The following PCDH9 variants were observed in gnomAD, a reference collection of about 807,000 sequenced individuals.
PCDH9 encodes protocadherin 9, also known as protocadherin-9.
A neutral mutation model predicts 70.6 loss-of-function variants in PCDH9; 24 were observed. That is an observed-to-expected ratio of 0.34 (90% CI 0.25 to 0.48). PCDH9 has a LOEUF of 0.48. Ranked by LOEUF, PCDH9 falls within the 20% of genes least tolerant of loss-of-function variation. The pLI is 0.99. For synonymous variants in PCDH9, 562 were observed against 558.5 expected (o/e 1.01, Z -0.09); for missense variants, 1,281 against 1,503.6 (o/e 0.85, Z 2.45).
At chr13:66,871,113 T>C (rs2081671004) in intron 3 of PCDH9, among the ~76,000 whole-genome samples, 1 of 151,820 alleles carries the variant, frequency 6.6e-6, no homozygotes, top group Non-Finnish European at 1.5e-5. Flanking sequence ...TTGGAAATCA[T>C]CATTCTCAGT....
At chr13:67,085,669 G>T (rs1046455174) in intron 2 of PCDH9, among the ~76,000 whole-genome samples, 6 of 152,160 alleles carry the variant, frequency 3.9e-5, no homozygotes, top group African/African-American at 7.2e-5. Flanking sequence ...TGGTCAAACA[G>T]AAAATAGCTT....
At chr13:66,773,831 T>G (rs897722068) in intron 3 of PCDH9, among the ~76,000 whole-genome samples, 1 of 151,042 alleles carries the variant, frequency 6.6e-6, no homozygotes. Flanking sequence ...CAGGCTGGAG[T>G]GCAGTGGGTG....
chr13:66,640,622 T>G (rs2077696561), intron 3 of PCDH9, among the ~76,000 whole-genome samples: 1 of 152,066 alleles, frequency 6.6e-6, no homozygotes, highest in African/African-American at 2.4e-5. Context: ...TGTAATTACC[T>G]AGTAAGAATG....
At chr13:66,847,383 A>G (rs1160562608) in intron 3 of PCDH9, among the ~76,000 whole-genome samples, 2 of 152,300 alleles carry the variant, frequency 1.3e-5, no homozygotes, top group East Asian at 3.9e-4. Flanking sequence ...ATGTGTTCTA[A>G]GATCCCTAGT....
intron 3 of PCDH9, among the ~76,000 whole-genome samples, chr13:66,670,912 TAAAA>T (rs35287889): frequency 7.5e-5 from 9 of 120,210 alleles, no homozygotes; most frequent in South Asian, 5.8e-4. Flanking sequence ...TGTTCTTATT[TAAAA>T]AAAAAAAAAA....
chr13:66,648,860 G>C (rs928198427), intron 3 of PCDH9, among the ~76,000 whole-genome samples: 1 of 151,944 alleles, frequency 6.6e-6, no homozygotes, highest in African/African-American at 2.4e-5. Flanking sequence ...AATCCTACCA[G>C]ATATATTTAA....
rs552628117 is a variant in PCDH9 at position 66,866,754 on chromosome 13, G to A, written c.3138+36750C>T. Among the ~76,000 whole-genome samples the A allele has an allele frequency of 3.5e-4, 53 of 152,242 alleles. 1 individual carries two copies. In the Middle Eastern group the frequency reaches 0.024, roughly 68 times the overall value. ...GGAGGTTGCAATGAGCCAAAATTGT[G>A]CCACTGCACTCTAGCCTGGGAGACA... On this transcript the variant is annotated intron_variant, in intron 3 of 4. Transcript: ENST00000377865.
intron 2 of PCDH9, among the ~76,000 whole-genome samples, chr13:66,966,108 C>G (rs780254668): frequency 3.9e-5 from 6 of 152,018 alleles, no homozygotes; most frequent in Non-Finnish European, 8.8e-5. Flanking sequence ...CTTCTTATTT[C>G]TAGACATGGA....
intron 2 of PCDH9, among the ~76,000 whole-genome samples, chr13:67,035,089 T>C (rs1263954902): frequency 6.6e-6 from 1 of 152,108 alleles, no homozygotes; most frequent in Non-Finnish European, 1.5e-5. Context: ...TGTTATCAAA[T>C]GACTATCAAC....
At chr13:66,743,310 C>G (rs1322461036) in intron 3 of PCDH9, among the ~76,000 whole-genome samples, 1 of 111,090 alleles carries the variant, frequency 9.0e-6, no homozygotes, top group Non-Finnish European at 1.8e-5. Context: ...CACATGGACA[C>G]ATGAAGGGGA....
chr13:66,725,598 T>C (rs1272463610), intron 3 of PCDH9, among the ~76,000 whole-genome samples: 1 of 152,200 alleles, frequency 6.6e-6, no homozygotes, highest in Admixed American at 6.5e-5. Context: ...GTGATTTTTT[T>C]CAAAGTGTTA....
intron 2 of PCDH9, among the ~76,000 whole-genome samples, chr13:66,933,667 G>A (rs950387563): frequency 1.3e-5 from 2 of 152,106 alleles, no homozygotes; most frequent in African/African-American, 4.8e-5. Context: ...AAAATGTTCA[G>A]TTCTCCTGTT....
chr13:66,333,852 T>C (rs983021988), intron 4 of PCDH9, among the ~76,000 whole-genome samples: 2 of 152,158 alleles, frequency 1.3e-5, no homozygotes, highest in Non-Finnish European at 2.9e-5. Flanking sequence ...TCCAGATATT[T>C]GGTCAGTCAT....
chr13:66,522,751 T>C (rs1487210249), intron 4 of PCDH9, among the ~76,000 whole-genome samples: 1 of 151,842 alleles, frequency 6.6e-6, no homozygotes, highest in Non-Finnish European at 1.5e-5. Flanking sequence ...ACCAAGAAGA[T>C]CTGCAAGAGA....
intron 2 of PCDH9, among the ~76,000 whole-genome samples, chr13:67,116,612 G>C (rs1594534093): frequency 6.6e-6 from 1 of 152,124 alleles, no homozygotes; most frequent in Non-Finnish European, 1.5e-5. Context: ...AAACACATGG[G>C]TGAGTAGCAA....
chr13:66,984,909 A>AC (rs201110618), intron 2 of PCDH9, among the ~76,000 whole-genome samples: 7,217 of 151,866 alleles, frequency 0.048, 235 homozygotes, highest in Non-Finnish European at 0.079. Flanking sequence ...ATATGTGTGG[A>AC]CCCCCCATCT....
rs187952704 is a variant in PCDH9, at chr13:66,825,915, T to A, written c.3138+77589A>T. Among the ~76,000 whole-genome samples, 258 of 151,972 alleles carry A rather than the reference T, an allele frequency of 1.7e-3. 5 individuals are homozygous for A. The highest frequency in any genetic ancestry group is 0.013 in the Admixed American group (200 of 15,266). On this transcript the variant is annotated intron_variant, in intron 3 of 4. Transcript: ENST00000377865. ...TAATTTTTTTAAAAAAGAATGATAG[T>A]TTTTTTTGCATATTGATCGCAATCA...
chr13:67,001,004 G>T (rs1047936518), intron 2 of PCDH9, among the ~76,000 whole-genome samples: 1 of 152,104 alleles, frequency 6.6e-6, no homozygotes. Context: ...TTTACAAAAT[G>T]GTAGATGAGG....
chr13:67,210,856 A>G (rs558779789), intron 2 of PCDH9: 2 of 152,146 alleles, frequency 1.3e-5, no homozygotes, highest in African/African-American at 4.8e-5. Context: ...AGTCACTTAT[A>G]AAAATCAGAA....
Sources: gnomAD v4.1 joint callset for allele counts (sites outside exome capture counted in the v4.1 genomes callset) on GRCh38, gnomAD v4.1.1 for gene constraint, MANE v1.5 for transcripts, NCBI Gene and HGNC (gene_info 2026-07-23, HGNC 2026-07-21) for gene names.